Variants in ACOX2 observed in about 807,000 individuals in gnomAD.
The protein encoded by ACOX2 is peroxisomal acyl-coenzyme A oxidase 2.
ACOX2 carries 59 observed loss-of-function variants against 77.5 expected under a neutral mutation model. The ratio of observed to expected loss-of-function variants is 0.76; its 90% CI spans 0.62 to 0.95. The LOEUF is 0.95. Ranked by LOEUF, ACOX2 falls within the 40% of genes least tolerant of loss-of-function variation. The pLI is 0.00. For synonymous variants in ACOX2, 317 were observed against 340.1 expected (o/e 0.93, Z 0.75); for missense variants, 837 against 880.4 (o/e 0.95, Z 0.62).
At position 58,530,490 on chromosome 3, in the gene ACOX2, C is replaced by T. The variant is rs562573238; in HGVS notation, c.968G>A (p.Arg323His). The change falls in exon 8 of 15, where the codon CGC becomes CAC. Residue 323 changes from arginine to histidine, a missense_variant. Coordinates refer to ENST00000302819, the MANE Select transcript of ACOX2 (RefSeq NM_003500.4). ...CVIAMRYSVI[R>H]RQSRLRPSDP... is the part of the protein sequence containing the mutation. ...CCTGGGCCGGAGCCGGGATTGGCGG[C>T]GGATGACCGAGTAGCGCATGGCGAT... The T allele has an allele frequency of 1.3e-4, 209 of 1,614,074 alleles. 1 individual carries two copies. In the Middle Eastern group the frequency reaches 1.8e-3, roughly 14 times the overall value.
rs2063347134 is a variant in ACOX2, at chr3:58,519,930, T to C, written c.1633-2507A>G. 6.6e-6 allele frequency among the ~76,000 whole-genome samples: 1 copy of C among 152,184 alleles called. No homozygotes were observed. Among genetic ancestry groups the C allele is most frequent in the Non-Finnish European group, 1.5e-5 (1 of 68,032 alleles). On this transcript the variant is annotated intron_variant, in intron 12 of 14. Coordinates refer to ENST00000302819, the MANE Select transcript of ACOX2 (RefSeq NM_003500.4). This position sits in a 1 kb window ranked among gnomAD's most constrained non-coding sequence, Gnocchi z 5.0. ...CTAATCTGAGAGCCACATCCTCAAA[T>C]GCTCAAGGCTCTGAGTTGAGGAGTG... is the stretch of plus-strand genomic sequence containing the variant.
At chr3:58,509,468 AGT>A (rs1486421842) in intron 13 of ACOX2, among the ~76,000 whole-genome samples, 1 of 151,762 alleles carries the variant, frequency 6.6e-6, no homozygotes, top group East Asian at 2.0e-4. Flanking sequence ...CGGAGGTTGC[AGT>A]GAGTGGAGAT....
In ACOX2 at chr3:58,534,632, T is replaced by C. The variant is rs1433864099; in HGVS notation, c.161-110A>G. The stretch of plus-strand genomic sequence containing the variant: ...ATCTGGAAAGGAAGTCAGACATTAT[T>C]GTTATTTTACAGATGACAAAACTGA... On this transcript the variant is annotated intron_variant, in intron 2 of 14. Coordinates refer to ENST00000302819, the MANE Select transcript of ACOX2 (RefSeq NM_003500.4). The surrounding 1 kb of genome is among the most constrained non-coding windows in gnomAD (Gnocchi z 4.8). The C allele has an allele frequency of 1.9e-6, 3 of 1,585,322 alleles. No individual in the cohort carries two copies. Among genetic ancestry groups the C allele is most frequent in the Admixed American group, 3.6e-5 (2 of 55,650 alleles).
rs1025786580 is a variant in ACOX2, at chr3:58,522,423, G to A, written c.1632+73C>T. On this transcript the variant is annotated intron_variant, in intron 12 of 14. Coordinates refer to ENST00000302819, the MANE Select transcript of ACOX2 (RefSeq NM_003500.4). The surrounding 1 kb of genome is among the most constrained non-coding windows in gnomAD (Gnocchi z 4.3). ...GAGTTGGGGAATAATGGCAGAGCCC[G>A]GATTTTCCCAGCAGGGTAGCCTGCC... The A allele has an allele frequency of 1.4e-5, 20 of 1,459,912 alleles. No homozygotes were observed. The highest frequency in any genetic ancestry group is 7.0e-5 in the African/African-American group (5 of 71,588). 90.4% of individuals were successfully genotyped at this position (1,459,912 alleles called of 1,614,324 possible).
chr3:58,530,516 G>A lies in ACOX2; in HGVS notation c.942C>T (p.Val314=). ...GGATGACCGAGTAGCGCATGGCGAT[G>A]ACACAGGCCTTCTGCAGTATAGGGA... ...EILPILQKAC[V]IAMRYSVIRR... The change falls in exon 8 of 15, where the codon GTC becomes GTT. Residue 314 remains valine, a synonymous_variant. Transcript: ENST00000302819. 6.2e-7 allele frequency: 1 copy of A among 1,614,254 alleles called. No individual in the cohort carries two copies. The highest frequency in any genetic ancestry group is 8.5e-7 in the Non-Finnish European group (1 of 1,180,040).
chr3:58,517,660 G>A (rs1469889417), intron 12 of ACOX2, among the ~76,000 whole-genome samples: 1 of 152,024 alleles, frequency 6.6e-6, no homozygotes, highest in Non-Finnish European at 1.5e-5. Flanking sequence ...TTGAAACATG[G>A]CCCTTGTTTT....
Position 58,535,117 on chromosome 3 carries a change from ATC to A in ACOX2, c.-13_-12del, listed in dbSNP as rs1473412548. ...CACTGGGCTGCCCATCCTATCCTGG[ATC>A]TGTCTGGTGACTATGGAGAGACACT... On this transcript the variant is annotated 5_prime_UTR_variant, in exon 2 of 15. Transcript: ENST00000302819. This position sits in a 1 kb window ranked among gnomAD's most constrained non-coding sequence, Gnocchi z 4.8. 6.2e-7 allele frequency: 1 copy of A among 1,614,082 alleles called. No homozygotes were observed. The highest frequency in any genetic ancestry group is 1.1e-5 in the South Asian group (1 of 91,070).
chr3:58,532,510 C>G (rs574079021), intron 5 of ACOX2, among the ~76,000 whole-genome samples: 7 of 152,166 alleles, frequency 4.6e-5, no homozygotes, highest in African/African-American at 1.7e-4. Flanking sequence ...CTCAGCCTCC[C>G]GAGTAGGTGG....
rs557738671 is a variant in ACOX2, at chr3:58,522,437, G to A, written c.1632+59C>T. 1.3e-6 allele frequency: 2 copies of A among 1,536,996 alleles called. No individual in the cohort carries two copies. The highest frequency in any genetic ancestry group is 2.7e-5 in the African/African-American group (2 of 73,452). ...TGGCAGAGCCCGGATTTTCCCAGCA[G>A]GGTAGCCTGCCTGGGAAGCAAAATG... On this transcript the variant is annotated intron_variant, in intron 12 of 14. Transcript: ENST00000302819. This position sits in a 1 kb window ranked among gnomAD's most constrained non-coding sequence, Gnocchi z 4.3.
chr3:58,524,624 G>A lies in ACOX2; in HGVS notation c.1347-19C>T. ...CAGGAACCTGGGGGTTGGAAGAGGA[G>A]GCAGGTGAGAGGGCAGAGACTCTGT... On this transcript the variant is annotated intron_variant, in intron 10 of 14. Transcript: ENST00000302819. This position sits in a 1 kb window ranked among gnomAD's most constrained non-coding sequence, Gnocchi z 5.5. The A allele has an allele frequency of 6.2e-7, 1 of 1,612,218 alleles. No individual in the cohort carries two copies. Among genetic ancestry groups the A allele is most frequent in the Non-Finnish European group, 8.5e-7 (1 of 1,179,492 alleles).
chr3:58,506,583 A>G (rs2063235467), intron 14 of ACOX2, among the ~76,000 whole-genome samples: 1 of 152,162 alleles, frequency 6.6e-6, no homozygotes. Flanking sequence ...ATTTGAGGTT[A>G]GGAGTTTGAG....
rs1355589614 is a variant in ACOX2 at position 58,515,662 on chromosome 3, A to G, written c.1850+1544T>C. ...TTGGAGATTCTAGGAGTCGCCTCTA[A>G]CCCCATGCAATAGGTATCATATTTT... On this transcript the variant is annotated intron_variant, in intron 13 of 14. Coordinates refer to ENST00000302819, the MANE Select transcript of ACOX2 (RefSeq NM_003500.4). The surrounding 1 kb of genome is among the most constrained non-coding windows in gnomAD (Gnocchi z 4.0). 6.6e-6 allele frequency among the ~76,000 whole-genome samples: 1 copy of G among 152,008 alleles called. No individual in the cohort carries two copies. The highest frequency in any genetic ancestry group is 1.5e-5 in the Non-Finnish European group (1 of 67,996).
intron 13 of ACOX2, chr3:58,510,984 C>G: frequency 2.2e-6 from 1 of 456,568 alleles, no homozygotes. Flanking sequence ...CTTACCATCT[C>G]TTTGATCCTC....
chr3:58,513,181 A>T (rs1451093771), intron 13 of ACOX2, among the ~76,000 whole-genome samples: 4 of 151,984 alleles, frequency 2.6e-5, no homozygotes, highest in African/African-American at 9.7e-5. Flanking sequence ...CTTTCATGGT[A>T]GGTATTACCA....
intron 12 of ACOX2, among the ~76,000 whole-genome samples, 193 bp from the exon 13 acceptor site, chr3:58,517,616 G>A (rs565175247): frequency 6.7e-6 from 1 of 148,998 alleles, no homozygotes; most frequent in Non-Finnish European, 1.5e-5. Flanking sequence ...TGTGTGTTGG[G>A]GGGGGGAGCG....
At chr3:58,506,031 T>G (rs1240298008) in intron 14 of ACOX2, among the ~76,000 whole-genome samples, 1 of 152,172 alleles carries the variant, frequency 6.6e-6, no homozygotes, top group Non-Finnish European at 1.5e-5. Context: ...CCTCAAGTGA[T>G]CCACCCGCCT....
rs76516574 is a variant in ACOX2, at chr3:58,535,835, C to T, written c.-91-638G>A. 9.9e-3 allele frequency among the ~76,000 whole-genome samples: 1,513 copies of T among 152,244 alleles called. 6 individuals carry two copies. Among genetic ancestry groups the T allele is most frequent in the Middle Eastern group, 0.02 (6 of 294 alleles). On this transcript the variant is annotated intron_variant, in intron 1 of 14. Transcript: ENST00000302819. This position sits in a 1 kb window ranked among gnomAD's most constrained non-coding sequence, Gnocchi z 4.8. The stretch of plus-strand genomic sequence containing the variant: ...GCAAGTGCTTGGCCTCTGAGAAGCC[C>T]CTATTCCTCCACAGTGAGGCAACCA...
intron 5 of ACOX2, among the ~76,000 whole-genome samples, chr3:58,532,511 G>A (rs946383522): frequency 3.3e-5 from 5 of 151,732 alleles, no homozygotes; most frequent in Non-Finnish European, 5.9e-5. Flanking sequence ...TCAGCCTCCC[G>A]AGTAGGTGGG....
intron 13 of ACOX2, among the ~76,000 whole-genome samples, chr3:58,510,769 C>G (rs1180630724): frequency 1.5e-5 from 2 of 133,416 alleles, no homozygotes; most frequent in Non-Finnish European, 3.1e-5. Flanking sequence ...TTTGTCATAC[C>G]TGTTTAGCAA....
Sources: gnomAD v4.1 joint callset for allele counts (sites outside exome capture counted in the v4.1 genomes callset) on GRCh38, gnomAD v4.1.1 for gene constraint, Gnocchi (gnomAD v3.1) non-coding constraint, MANE v1.5 for transcripts, NCBI Gene and HGNC (gene_info 2026-07-23, HGNC 2026-07-21) for gene names.